The following DOCK4 variants were observed in gnomAD, a reference collection of about 807,000 sequenced individuals.
DOCK4 encodes the protein dedicator of cytokinesis 4, also known as dedicator of cytokinesis protein 4.
In DOCK4, 97 loss-of-function variants were observed where a neutral mutation model predicts 268.1. The observed-to-expected ratio is 0.36, with a 90% CI of 0.31 to 0.43. The LOEUF is 0.43. Among genes scored for constraint, DOCK4 ranks in the 20% least tolerant of loss-of-function variants. The pLI, the probability that DOCK4 is intolerant of heterozygous loss-of-function variation, is 1.00. For synonymous variants in DOCK4, 954 were observed against 887.2 expected, an observed-to-expected ratio of 1.08 and a Z score of -1.34; for missense variants, 2,145 against 2,455.7, an observed-to-expected ratio of 0.87 and a Z score of 2.67.
chr7:112,137,068 AAAAGAG>A (rs1814425551), intron 1 of DOCK4, among the ~76,000 whole-genome samples: 1 of 152,198 alleles, frequency 6.6e-6, no homozygotes, highest in Admixed American at 6.5e-5. Flanking sequence ...CCAAAAGAGA[AAAAGAG>A]AGAGAAGACA....
rs1374642389 is a variant in DOCK4, at chr7:112,039,639, C to T, written c.38-35508G>A. Among the ~76,000 whole-genome samples, 8 of 152,072 alleles carry T rather than the reference C, an allele frequency of 5.3e-5. 1 individual carries two copies. The highest frequency in any genetic ancestry group is 1.4e-4 in the African/African-American group (6 of 41,452). ...CTAGGTATATGGGCTAGAGTAGAGT[C>T]GCAGACATCTCCTGTTTGGACAGAA... is the stretch of plus-strand genomic sequence containing the variant. On this transcript the variant is annotated intron_variant, in intron 1 of 52. Coordinates refer to ENST00000428084, the MANE Select transcript of DOCK4 (RefSeq NM_001363540.2).
intron 12 of DOCK4, among the ~76,000 whole-genome samples, chr7:111,925,860 G>A (rs1188862657): frequency 1.3e-5 from 2 of 152,158 alleles, no homozygotes; most frequent in Non-Finnish European, 2.9e-5. Context: ...GGGCAAGGTG[G>A]GCAGATCACG....
chr7:112,004,938 C>T (rs533415798), intron 1 of DOCK4, among the ~76,000 whole-genome samples: 16 of 152,258 alleles, frequency 1.1e-4, no homozygotes, highest in African/African-American at 3.4e-4. Context: ...CCTTTTCTGG[C>T]AACTCCAGGA....
chr7:112,044,571 A>C (rs566578007), intron 1 of DOCK4, among the ~76,000 whole-genome samples: 41 of 152,048 alleles, frequency 2.7e-4, no homozygotes, highest in Admixed American at 7.9e-4. Context: ...TGACATCTCC[A>C]TTGGTGTCTA....
intron 1 of DOCK4, among the ~76,000 whole-genome samples, chr7:112,064,678 G>GC (rs56869842): frequency 2.6e-5 from 4 of 151,872 alleles, no homozygotes; most frequent in African/African-American, 4.8e-5. Context: ...GCTGAACTGT[G>GC]CCCCCCCTTC....
At chr7:111,934,526 T>G (rs1794537293) in intron 12 of DOCK4, among the ~76,000 whole-genome samples, 1 of 119,486 alleles carries the variant, frequency 8.4e-6, no homozygotes, top group South Asian at 2.5e-4. Flanking sequence ...TGTTTTTGTT[T>G]TTTTTTTTTT....
intron 23 of DOCK4, among the ~76,000 whole-genome samples, chr7:111,848,750 T>C (rs533827942): frequency 2.6e-4 from 40 of 152,226 alleles, no homozygotes; most frequent in Non-Finnish European, 5.1e-4. Context: ...TAAGGCCTAT[T>C]AATGCAAACT....
intron 6 of DOCK4, among the ~76,000 whole-genome samples, chr7:111,987,632 A>C (rs1411667460): frequency 2.0e-5 from 3 of 152,198 alleles, no homozygotes; most frequent in African/African-American, 7.2e-5. Context: ...TGGCAAGTCT[A>C]ATCTGTTAGG....
At chr7:111,901,404 T>A (rs142528729) in intron 14 of DOCK4, among the ~76,000 whole-genome samples, 3 of 151,376 alleles carry the variant, frequency 2.0e-5, no homozygotes, top group Non-Finnish European at 4.4e-5. Context: ...ACACAATGAA[T>A]TAAGCAAACT....
At chr7:112,046,075 C>A (rs1013306360) in intron 1 of DOCK4, among the ~76,000 whole-genome samples, 14 of 152,124 alleles carry the variant, frequency 9.2e-5, no homozygotes, top group African/African-American at 3.1e-4. Flanking sequence ...AACAACTGTA[C>A]AGAAAAGCTT....
intron 1 of DOCK4, among the ~76,000 whole-genome samples, chr7:112,143,892 C>A (rs903311626): frequency 2.0e-5 from 3 of 152,142 alleles, no homozygotes; most frequent in Admixed American, 2.0e-4. Flanking sequence ...TGTTTTGATT[C>A]GGATCATCTG....
intron 8 of DOCK4, among the ~76,000 whole-genome samples, chr7:111,959,119 G>T (rs1796665944): frequency 6.6e-6 from 1 of 151,904 alleles, no homozygotes; most frequent in South Asian, 2.1e-4. Flanking sequence ...GGAGGCCCGA[G>T]GGAAGGTCGC....
At chr7:112,057,061 AACTT>A (rs1805882239) in intron 1 of DOCK4, among the ~76,000 whole-genome samples, 1 of 152,194 alleles carries the variant, frequency 6.6e-6, no homozygotes, top group African/African-American at 2.4e-5. Flanking sequence ...AAAAGATAAT[AACTT>A]ACTTGGAAAC....
intron 16 of DOCK4, among the ~76,000 whole-genome samples, chr7:111,878,798 C>T (rs1303893913): frequency 6.6e-6 from 1 of 152,188 alleles, no homozygotes; most frequent in East Asian, 1.9e-4. Flanking sequence ...AGAAGAGACT[C>T]ACCATCTCAG....
chr7:111,730,893 T>G (rs1795039817), intron 52 of DOCK4, among the ~76,000 whole-genome samples: 1 of 152,222 alleles, frequency 6.6e-6, no homozygotes, highest in Admixed American at 6.5e-5. Context: ...TTCAAACATT[T>G]TTAGCTCTTG....
At chr7:112,031,137 C>T (rs891851611) in intron 1 of DOCK4, among the ~76,000 whole-genome samples, 3 of 152,202 alleles carry the variant, frequency 2.0e-5, no homozygotes, top group Non-Finnish European at 4.4e-5. Context: ...GAATCAGACA[C>T]TAGCAATCAC....
At chr7:111,854,871 C>G (rs1586181259) in intron 23 of DOCK4, among the ~76,000 whole-genome samples, 1 of 152,200 alleles carries the variant, frequency 6.6e-6, no homozygotes. Flanking sequence ...AGGAGGGAAA[C>G]AGACGTTAAT....
chr7:111,728,394 C>A lies in DOCK4; in HGVS notation c.5808G>T (p.Glu1936Asp). Residue 1936 changes from glutamate (E) to aspartate (D), a missense_variant, in exon 53 of 53, where the codon GAG (glutamate) becomes GAT (aspartate). Glu to Asp is a conservative substitution (Grantham distance 45). Around this residue, in one of 2 missense-constraint regions of DOCK4, gnomAD observed 547 missense variants for 469.0 expected, o/e 1.17. Transcript: ENST00000428084. The part of the protein sequence containing the change: ...PHSLSIPVTS[E>D]PPALPPKPLA... ...GAGGCTTGGGGGGCAGCGCGGGCGG[C>A]TCCGACGTGACGGGGATGGAGAGGC... 6.4e-7 allele frequency: 1 copy of A among 1,559,996 alleles called. No individual in the cohort carries two copies.
At position 111,728,647 on chromosome 7, in the gene DOCK4, A is replaced by G. The variant is rs576250205; in HGVS notation, c.5555T>C (p.Leu1852Ser). 7 of 1,614,020 alleles carry G rather than the reference A, an allele frequency of 4.3e-6. No homozygotes were observed. The African/African-American group carries it at 5.3e-5, about 12-fold the overall frequency. ...AATCCCACTGCTGTAGCTGCCCGAC[A>G]AGACAGGGGAGTTGGAGATGAGTCC... ...SPGLISNSPVLSGSYSSGISS... is the reference protein window; with the variant it reads ...SPGLISNSPVSSGSYSSGISS... Residue 1852 changes from leucine to serine, a missense_variant, in exon 53 of 53, where the codon TTG (leucine) becomes TCG (serine). Physicochemically the swap from Leu to Ser is moderately radical, Grantham distance 145 (BLOSUM62 -2). Transcript: ENST00000428084.
Sources: allele counts gnomAD v4.1 joint callset (sites outside exome capture counted in the v4.1 genomes callset), GRCh38; gene constraint gnomAD v4.1.1; regional missense constraint gnomAD v4.1.1; transcripts MANE v1.5; gene names NCBI Gene and HGNC (gene_info 2026-07-23, HGNC 2026-07-21).